The following CRPPA variants were observed in gnomAD, a reference collection of about 807,000 sequenced individuals.
CRPPA encodes D-ribitol-5-phosphate cytidylyltransferase.
CRPPA carries 43 observed loss-of-function variants against 52.0 expected under a neutral mutation model. The observed-to-expected ratio is 0.83, with a 90% CI of 0.65 to 1.07. The LOEUF (loss-of-function observed/expected upper bound fraction) is 1.07, where lower values mean the gene tolerates loss of function less well. Among genes scored for constraint, CRPPA ranks in the 50% least tolerant of loss-of-function variants. The pLI is 0.00. For synonymous variants in CRPPA, 250 were observed against 203.5 expected (o/e 1.23, Z -1.94); for missense variants, 629 against 551.7 (o/e 1.14, Z -1.40).
intron 3 of CRPPA, among the ~76,000 whole-genome samples, chr7:16,325,782 C>A (rs928267408): frequency 6.6e-6 from 1 of 151,922 alleles, no homozygotes. Flanking sequence ...TCTTAAGATA[C>A]CCTATGAAAC....
At chr7:16,206,197 AT>A (rs1217839336) in intron 9 of CRPPA, among the ~76,000 whole-genome samples, 1 of 151,920 alleles carries the variant, frequency 6.6e-6, no homozygotes, top group East Asian at 1.9e-4. Context: ...GGGTCAAAAT[AT>A]TTTTTTTGTT....
At chr7:16,104,070 C>G (rs150038440) in intron 9 of CRPPA, among the ~76,000 whole-genome samples, 1 of 152,204 alleles carries the variant, frequency 6.6e-6, no homozygotes, top group Non-Finnish European at 1.5e-5. Flanking sequence ...GACTATTAGG[C>G]TTTTGAATAT....
intron 9 of CRPPA, among the ~76,000 whole-genome samples, chr7:16,156,859 G>A (rs1458735665): frequency 6.6e-6 from 1 of 151,970 alleles, no homozygotes; most frequent in African/African-American, 2.4e-5. Context: ...ACATTTTAGG[G>A]GGCTCATAGA....
At chr7:16,192,521 T>C (rs1781636251) in intron 9 of CRPPA, among the ~76,000 whole-genome samples, 1 of 152,140 alleles carries the variant, frequency 6.6e-6, no homozygotes, top group African/African-American at 2.4e-5. Context: ...GCCATGCTGA[T>C]TAAAATGTAG....
intron 9 of CRPPA, among the ~76,000 whole-genome samples, chr7:16,110,768 A>G (rs1440504196): frequency 3.3e-5 from 5 of 152,122 alleles, no homozygotes; most frequent in Non-Finnish European, 7.4e-5. Flanking sequence ...ATTGGGCCCT[A>G]ATCTCACACC....
chr7:16,323,884 C>T (rs955626377), intron 3 of CRPPA, among the ~76,000 whole-genome samples: 14 of 152,184 alleles, frequency 9.2e-5, no homozygotes, highest in Admixed American at 3.9e-4. Context: ...TAAACACATT[C>T]GAAACTAAGC....
chr7:16,268,033 T>C (rs1783998355), intron 6 of CRPPA, among the ~76,000 whole-genome samples: 1 of 151,978 alleles, frequency 6.6e-6, no homozygotes, highest in Non-Finnish European at 1.5e-5. Context: ...GAAAGGTAGG[T>C]CCTGGAACCC....
intron 9 of CRPPA, among the ~76,000 whole-genome samples, chr7:16,147,142 TG>T (rs1782989390): frequency 6.6e-6 from 1 of 152,160 alleles, no homozygotes; most frequent in Non-Finnish European, 1.5e-5. Flanking sequence ...GCTCTTCCTT[TG>T]CCTTCCACTA....
Position 16,123,504 on chromosome 7 carries a change from C to T in CRPPA, c.1252-31705G>A, listed in dbSNP as rs1256081411. Among the ~76,000 whole-genome samples, 15 of 152,200 alleles carry T rather than the reference C, an allele frequency of 9.9e-5. No homozygotes were observed. The East Asian group carries it at 2.9e-3, about 29-fold the overall frequency. ...CAGCAACATTCATTTTCACATTAAC[C>T]ACAAGAAGCCAAGGATAGCTTTCAA... On this transcript the variant is annotated intron_variant, in intron 9 of 9. Coordinates refer to ENST00000407010, the MANE Select transcript of CRPPA (RefSeq NM_001101426.4).
chr7:16,323,133 C>G (rs911437800), intron 3 of CRPPA, among the ~76,000 whole-genome samples: 6 of 152,022 alleles, frequency 3.9e-5, no homozygotes, highest in Non-Finnish European at 5.9e-5. Context: ...CATAGCCAAA[C>G]CATACGAAAT....
chr7:16,312,109 T>A (rs1785046237), intron 3 of CRPPA, among the ~76,000 whole-genome samples: 1 of 152,064 alleles, frequency 6.6e-6, no homozygotes, highest in Non-Finnish European at 1.5e-5. Flanking sequence ...TTCTAGGTCT[T>A]GTGCCTCTTC....
At chr7:16,335,589 A>G (rs1459112160) in intron 3 of CRPPA, among the ~76,000 whole-genome samples, 1 of 152,250 alleles carries the variant, frequency 6.6e-6, no homozygotes, top group Non-Finnish European at 1.5e-5. Context: ...GAGCAAAACA[A>G]TAACAACAAA....
intron 9 of CRPPA, among the ~76,000 whole-genome samples, chr7:16,141,311 T>C (rs1043364907): frequency 1.3e-5 from 2 of 152,226 alleles, no homozygotes; most frequent in African/African-American, 4.8e-5. Flanking sequence ...TAGGTTTTAA[T>C]ATACACATTC....
chr7:16,091,689 T>C lies in CRPPA; in HGVS notation c.*6A>G, dbSNP rs771059193. The C allele has an allele frequency of 8.2e-5, 122 of 1,494,666 alleles. No individual in the cohort carries two copies. The highest frequency in any genetic ancestry group is 1.1e-4 in the Non-Finnish European group (119 of 1,100,800). The allele number at this position is 1,494,666 out of a possible 1,614,324, so 92.6% of individuals were successfully genotyped here. On this transcript the variant is annotated 3_prime_UTR_variant, in exon 10 of 10. Coordinates refer to ENST00000407010, the MANE Select transcript of CRPPA (RefSeq NM_001101426.4). ...GTTTTAGAAAATAGGTAATTTTTTG[T>C]GTTCTTCATGCTATCAGAAGCTGAC...
intron 9 of CRPPA, among the ~76,000 whole-genome samples, chr7:16,209,818 G>T (rs1241701610): frequency 6.6e-6 from 1 of 151,968 alleles, no homozygotes; most frequent in East Asian, 1.9e-4. Flanking sequence ...AAAGCATATG[G>T]CCATTTTATA....
chr7:16,385,186 A>T (rs952859032), intron 2 of CRPPA, among the ~76,000 whole-genome samples: 1 of 152,140 alleles, frequency 6.6e-6, no homozygotes, highest in African/African-American at 2.4e-5. Flanking sequence ...CATTAAGTAC[A>T]CAACAATTTT....
chr7:16,218,420 G>A lies in CRPPA; in HGVS notation c.1120-2223C>T, dbSNP rs1387957074. 2.6e-3 allele frequency among the ~76,000 whole-genome samples: 304 copies of A among 118,486 alleles called. 3 individuals are homozygous for A. The highest frequency in any genetic ancestry group is 9.4e-3 in the African/African-American group (291 of 31,010). 77.7% of individuals were successfully genotyped at this position (118,486 alleles called of 152,430 possible). On this transcript the variant is annotated intron_variant, in intron 8 of 9. Coordinates refer to ENST00000407010, the MANE Select transcript of CRPPA (RefSeq NM_001101426.4). ...ATCACCAACTAACATCATAATGACA[G>A]GATCAAATTCACACATAACAATATT...
rs572180165 is a variant in CRPPA at position 16,112,160 on chromosome 7, C to G, written c.1252-20361G>C. On this transcript the variant is annotated intron_variant, in intron 9 of 9. Transcript: ENST00000407010. Reference sequence around the variant, plus strand: ...TGAAACCCCATCTCTACTAAAAATACAAAAATTAGCCAGGTGTGGTGGCAT... The same window carrying G: ...TGAAACCCCATCTCTACTAAAAATAGAAAAATTAGCCAGGTGTGGTGGCAT... 3.9e-5 allele frequency among the ~76,000 whole-genome samples: 6 copies of G among 151,992 alleles called. No homozygotes were observed. In the South Asian group the frequency reaches 1.2e-3, roughly 32 times the overall value.
Position 16,421,533 on chromosome 7 carries a change from C to G in CRPPA, c.-211G>C, listed in dbSNP as rs1027859312. ...CAGCTACGGCAGCAGCTGAGGCTGC[C>G]GATCTGCCCTCGCGGCTCGGCTGCG... On this transcript the variant is annotated 5_prime_UTR_variant, in exon 1 of 10. Coordinates refer to ENST00000407010, the MANE Select transcript of CRPPA (RefSeq NM_001101426.4). Among the ~76,000 whole-genome samples, 1 of 152,174 alleles carries G rather than the reference C, an allele frequency of 6.6e-6. No homozygotes were observed.
Sources: allele counts gnomAD v4.1 joint callset (sites outside exome capture counted in the v4.1 genomes callset), GRCh38; gene constraint gnomAD v4.1.1; transcripts MANE v1.5; gene names NCBI Gene and HGNC (gene_info 2026-07-23, HGNC 2026-07-21).